The following FSIP1 variants were observed in gnomAD, a reference collection of about 807,000 sequenced individuals.
FSIP1 encodes fibrous sheath-interacting protein 1.
FSIP1 carries 65 observed loss-of-function variants against 60.9 expected under a neutral mutation model. That is an observed-to-expected ratio of 1.07 (90% CI 0.87 to 1.31). The LOEUF is 1.31. Among genes scored for constraint, FSIP1 ranks in the 40% most tolerant of loss-of-function variants. FSIP1 has a pLI of 0.00. For missense variants in FSIP1, 675 were observed against 665.5 expected (o/e 1.01, Z -0.16); for synonymous variants, 209 against 221.2 (o/e 0.94, Z 0.49).
At chr15:39,631,417 C>G (rs1372483774) in intron 10 of FSIP1, among the ~76,000 whole-genome samples, 1 of 152,114 alleles carries the variant, frequency 6.6e-6, no homozygotes, top group Non-Finnish European at 1.5e-5. Flanking sequence ...GGAGAGCTCC[C>G]CAATGTGAGA....
rs1408769316 is a variant in FSIP1 at position 39,713,241 on chromosome 15, T to G, written c.1188+203A>C. ...CAGTCAAAAGAGACTGAAACCTTTT[T>G]TGGTACAAGTGTTGGTTACAATTAA... On this transcript the variant is annotated intron_variant, in intron 10 of 11. Transcript: ENST00000350221. 6.2e-4 allele frequency among the ~76,000 whole-genome samples: 94 copies of G among 152,254 alleles called. 1 individual carries two copies. Among genetic ancestry groups the G allele is most frequent in the Admixed American group, 6.1e-3 (94 of 15,286 alleles).
At chr15:39,765,862 T>G (rs1188162364) in intron 3 of FSIP1, 116 bp from the exon 4 acceptor site, 1 of 565,646 alleles carries the variant, frequency 1.8e-6, no homozygotes, top group East Asian at 3.2e-5. Context: ...TAGTAATAAC[T>G]ACTACATTGG....
chr15:39,707,030 A>G (rs1053857720), intron 10 of FSIP1, among the ~76,000 whole-genome samples: 1 of 152,124 alleles, frequency 6.6e-6, no homozygotes, highest in African/African-American at 2.4e-5. Context: ...ATACATTACA[A>G]TTTTTCAGTT....
At chr15:39,650,989 T>C (rs969660497) in intron 10 of FSIP1, among the ~76,000 whole-genome samples, 3 of 152,226 alleles carry the variant, frequency 2.0e-5, no homozygotes, top group African/African-American at 7.2e-5. Flanking sequence ...CAGCCACACC[T>C]GCAGTGCTCC....
chr15:39,664,142 T>C (rs1893405500), intron 10 of FSIP1, among the ~76,000 whole-genome samples: 1 of 152,162 alleles, frequency 6.6e-6, no homozygotes, highest in Admixed American at 6.5e-5. Flanking sequence ...TAAAATTATG[T>C]TAGTTTTCAA....
At chr15:39,638,600 AT>A (rs1419367833) in intron 10 of FSIP1, among the ~76,000 whole-genome samples, 2 of 152,206 alleles carry the variant, frequency 1.3e-5, no homozygotes, top group African/African-American at 4.8e-5. Context: ...TAATTTATCC[AT>A]TTGTTAACAT....
chr15:39,686,849 C>T (rs1195843460), intron 10 of FSIP1, among the ~76,000 whole-genome samples: 1 of 152,168 alleles, frequency 6.6e-6, no homozygotes, highest in Non-Finnish European at 1.5e-5. Flanking sequence ...GGGCATTTCC[C>T]TTATTTGGAA....
At chr15:39,697,638 A>G (rs891709502) in intron 10 of FSIP1, among the ~76,000 whole-genome samples, 2 of 152,244 alleles carry the variant, frequency 1.3e-5, no homozygotes, top group Non-Finnish European at 2.9e-5. Context: ...AGAAAAGCCT[A>G]TAACAGAAAA....
chr15:39,659,339 G>A (rs932743083), intron 10 of FSIP1, among the ~76,000 whole-genome samples: 2 of 151,994 alleles, frequency 1.3e-5, no homozygotes, highest in African/African-American at 4.8e-5. Flanking sequence ...TCAGGAGATC[G>A]AGACCATCCT....
intron 10 of FSIP1, among the ~76,000 whole-genome samples, chr15:39,709,657 G>C (rs977237561): frequency 4.7e-5 from 7 of 149,318 alleles, no homozygotes; most frequent in African/African-American, 1.5e-4. Flanking sequence ...TAGGCAATAG[G>C]GGGAGGGGTG....
chr15:39,758,102 T>A (rs1384198751), intron 5 of FSIP1, among the ~76,000 whole-genome samples: 1 of 152,094 alleles, frequency 6.6e-6, no homozygotes, highest in Non-Finnish European at 1.5e-5. Flanking sequence ...ATGGGAAGTG[T>A]CTACAGGGCC....
intron 10 of FSIP1, among the ~76,000 whole-genome samples, chr15:39,698,391 G>A (rs1007105912): frequency 5.9e-5 from 9 of 151,940 alleles, no homozygotes; most frequent in African/African-American, 2.2e-4. Context: ...TCATCATGTC[G>A]AGATTCTTAC....
At chr15:39,603,469 T>C (rs1026294350) in intron 11 of FSIP1, among the ~76,000 whole-genome samples, 1 of 152,242 alleles carries the variant, frequency 6.6e-6, no homozygotes, top group Non-Finnish European at 1.5e-5. Flanking sequence ...AGACTCAGTA[T>C]AGCTTAAATG....
chr15:39,745,306 T>C (rs943570218), intron 5 of FSIP1, among the ~76,000 whole-genome samples: 3 of 152,174 alleles, frequency 2.0e-5, no homozygotes, highest in Non-Finnish European at 4.4e-5. Flanking sequence ...ACTGCGACTT[T>C]AAGCAAAATG....
At chr15:39,655,067 T>C (rs1893019335) in intron 10 of FSIP1, among the ~76,000 whole-genome samples, 1 of 152,220 alleles carries the variant, frequency 6.6e-6, no homozygotes, top group African/African-American at 2.4e-5. Context: ...CCAAAGTTTA[T>C]TAGGGTATGG....
intron 5 of FSIP1, among the ~76,000 whole-genome samples, chr15:39,763,269 C>T (rs1897566889): frequency 6.6e-6 from 1 of 152,126 alleles, no homozygotes; most frequent in African/African-American, 2.4e-5. Flanking sequence ...TTTCTAATCC[C>T]TAAAATTTTC....
chr15:39,694,362 T>C (rs775464839), intron 10 of FSIP1, among the ~76,000 whole-genome samples: 2 of 152,202 alleles, frequency 1.3e-5, no homozygotes, highest in East Asian at 1.9e-4. Flanking sequence ...AGGGAACATA[T>C]GGTTTAAAAT....
intron 10 of FSIP1, among the ~76,000 whole-genome samples, chr15:39,670,759 T>A (rs1229900135): frequency 2.6e-5 from 4 of 152,254 alleles, no homozygotes; most frequent in Admixed American, 2.6e-4. Flanking sequence ...ACCAATCACT[T>A]AACATTCATT....
intron 10 of FSIP1, among the ~76,000 whole-genome samples, chr15:39,712,696 G>C (rs1315336117): frequency 6.6e-6 from 1 of 152,112 alleles, no homozygotes; most frequent in Non-Finnish European, 1.5e-5. Context: ...ACATTCTATG[G>C]GTAGTGGGAA....
Sources: allele counts gnomAD v4.1 joint callset (sites outside exome capture counted in the v4.1 genomes callset), GRCh38; gene constraint gnomAD v4.1.1; transcripts MANE v1.5; gene names NCBI Gene and HGNC (gene_info 2026-07-23, HGNC 2026-07-21).